The following TSHZ3 variants were observed in gnomAD, a reference collection of about 807,000 sequenced individuals.
TSHZ3 encodes the protein teashirt zinc finger homeobox 3, also known as teashirt homolog 3.
A neutral mutation model predicts 64.5 loss-of-function variants in TSHZ3; 10 were observed. The ratio of observed to expected loss-of-function variants is 0.16; its 90% CI spans 0.10 to 0.26. The LOEUF is 0.26. Among genes scored for constraint, TSHZ3 ranks in the 10% least tolerant of loss-of-function variants. The pLI is 1.00. For synonymous variants in TSHZ3, 608 were observed against 593.1 expected (o/e 1.03, Z -0.36); for missense variants, 1,242 against 1,421.7 (o/e 0.87, Z 2.03).
chr19:31,300,606 C>T (rs1270791362), intron 1 of TSHZ3, among the ~76,000 whole-genome samples: 1 of 152,258 alleles, frequency 6.6e-6, no homozygotes, highest in African/African-American at 2.4e-5. Flanking sequence ...ATGCACTCGC[C>T]GCACCACCTC....
chr19:31,205,642 T>C (rs1233018137), intron 4 of TSHZ3, among the ~76,000 whole-genome samples: 1 of 152,170 alleles, frequency 6.6e-6, no homozygotes, highest in Non-Finnish European at 1.5e-5. Context: ...GCCATTTGTT[T>C]CCAGTCCTTC....
At chr19:31,313,220 C>T (rs1916509106) in intron 1 of TSHZ3, among the ~76,000 whole-genome samples, 1 of 152,090 alleles carries the variant, frequency 6.6e-6, no homozygotes, top group Non-Finnish European at 1.5e-5. Flanking sequence ...TTTCCACACC[C>T]GAGATTTGGA....
chr19:31,255,243 T>C lies in TSHZ3; in HGVS notation n.64-12368A>G, dbSNP rs970023413. ...TGCAGTAGGCAATGGTGAATCCAAA[T>C]AGCACACATCTAGGGGCAGTGAGGA... On this transcript the variant is annotated intron_variant and non_coding_transcript_variant, in intron 1 of 6. Coordinates refer to the TSHZ3 transcript ENST00000651361. 5.3e-5 allele frequency among the ~76,000 whole-genome samples: 8 copies of C among 152,080 alleles called. No individual in the cohort carries two copies. In the East Asian group the frequency reaches 1.2e-3, roughly 22 times the overall value.
At chr19:31,179,828 AGGTGGT>A (rs61116795) in intron 5 of TSHZ3, among the ~76,000 whole-genome samples, 5 of 147,178 alleles carry the variant, frequency 3.4e-5, no homozygotes, top group Non-Finnish European at 7.5e-5. Context: ...GTGATGATGG[AGGTGGT>A]GGTGGTGGTG....
downstream of TSHZ3, among the ~76,000 whole-genome samples, chr19:31,271,349 C>T (rs1021370048): frequency 1.3e-5 from 2 of 152,122 alleles, no homozygotes; most frequent in African/African-American, 4.8e-5. Flanking sequence ...CTCCCTCTGG[C>T]TTGTGGAAAC....
chr19:31,171,959 G>A (rs1002748302), intron 5 of TSHZ3, among the ~76,000 whole-genome samples: 3 of 152,162 alleles, frequency 2.0e-5, no homozygotes, highest in African/African-American at 7.2e-5. Context: ...CCTCAGTGAA[G>A]ACCCATTTGT....
chr19:31,198,357 T>C (rs1453936743), intron 5 of TSHZ3, among the ~76,000 whole-genome samples: 3 of 152,006 alleles, frequency 2.0e-5, no homozygotes, highest in Non-Finnish European at 4.4e-5. Context: ...AACTCAAAGC[T>C]TTCCCACTAA....
intron 1 of TSHZ3, among the ~76,000 whole-genome samples, chr19:31,258,136 G>C (rs1394852886): frequency 6.6e-6 from 1 of 152,144 alleles, no homozygotes; most frequent in Non-Finnish European, 1.5e-5. Context: ...GAGGAGCTGG[G>C]GTTCAGACCC....
chr19:31,332,392 T>G (rs1917121835), intron 1 of TSHZ3, among the ~76,000 whole-genome samples: 1 of 152,296 alleles, frequency 6.6e-6, no homozygotes. Flanking sequence ...ACGGAGCTGG[T>G]GGGGCTCTGA....
At chr19:31,325,092 C>A (rs1044408695) in intron 1 of TSHZ3, among the ~76,000 whole-genome samples, 6 of 152,356 alleles carry the variant, frequency 3.9e-5, no homozygotes, top group African/African-American at 1.4e-4. Context: ...CTCCGCTGTG[C>A]TCCGTAGGAA....
intron 1 of TSHZ3, among the ~76,000 whole-genome samples, chr19:31,294,433 C>CAGCACTCACTCAGCACTCAACA (rs2145133764): frequency 6.6e-6 from 1 of 152,224 alleles, no homozygotes; most frequent in East Asian, 1.9e-4. Flanking sequence ...AGCCAGTACT[C>CAGCACTCACTCAGCACTCAACA]AGCACTCACT....
chr19:31,284,600 T>A (rs1976422228), intron 1 of TSHZ3, among the ~76,000 whole-genome samples: 1 of 152,132 alleles, frequency 6.6e-6, no homozygotes, highest in Admixed American at 6.5e-5. Flanking sequence ...CCTCCTCTGC[T>A]GGAAACCCTG....
intron 1 of TSHZ3, among the ~76,000 whole-genome samples, chr19:31,312,460 G>GCAGGAT (rs1555736795): frequency 6.6e-6 from 1 of 152,202 alleles, no homozygotes; most frequent in Non-Finnish European, 1.5e-5. Flanking sequence ...TCCCATCAGA[G>GCAGGAT]CAGGACACTC....
chr19:31,190,224 C>G (rs968663935), intron 5 of TSHZ3, among the ~76,000 whole-genome samples: 1 of 152,142 alleles, frequency 6.6e-6, no homozygotes, highest in Non-Finnish European at 1.5e-5. Context: ...AAGCAATCTA[C>G]GTAGATGTTC....
At chr19:31,336,124 C>A (rs1437699889) in intron 1 of TSHZ3, among the ~76,000 whole-genome samples, 1 of 152,084 alleles carries the variant, frequency 6.6e-6, no homozygotes, top group Non-Finnish European at 1.5e-5. Flanking sequence ...GCATAGTATC[C>A]AAAAATAAAA....
chr19:31,313,343 A>T (rs1431643601), intron 1 of TSHZ3, among the ~76,000 whole-genome samples: 1 of 152,242 alleles, frequency 6.6e-6, no homozygotes, highest in Admixed American at 6.5e-5. Flanking sequence ...ATTTGCAGTG[A>T]GCCATTATCA....
chr19:31,179,647 T>C (rs1333177640), intron 5 of TSHZ3, among the ~76,000 whole-genome samples: 1 of 151,586 alleles, frequency 6.6e-6, no homozygotes, highest in Non-Finnish European at 1.5e-5. Flanking sequence ...ACAGTGGTGT[T>C]TGTGATGGTG....
intron 1 of TSHZ3, among the ~76,000 whole-genome samples, chr19:31,300,218 C>G (rs756363799): frequency 6.6e-6 from 1 of 152,102 alleles, no homozygotes; most frequent in Non-Finnish European, 1.5e-5. Flanking sequence ...AAATGTTCTA[C>G]GAGACTACTC....
intron 1 of TSHZ3, among the ~76,000 whole-genome samples, chr19:31,313,317 C>T (rs1026323024): frequency 6.6e-5 from 10 of 152,180 alleles, no homozygotes; most frequent in African/African-American, 2.4e-4. Flanking sequence ...CATAAATATG[C>T]TAATAAAAAT....
Sources: allele counts gnomAD v4.1 joint callset (sites outside exome capture counted in the v4.1 genomes callset), GRCh38; gene constraint gnomAD v4.1.1; transcripts MANE v1.5; gene names NCBI Gene and HGNC (gene_info 2026-07-23, HGNC 2026-07-21).